CAP2: variants seen among roughly 807,000 people sequenced by gnomAD.
CAP2 encodes the protein adenylyl cyclase-associated protein 2.
In CAP2, 24 loss-of-function variants were observed where a neutral mutation model predicts 57.7. That is an observed-to-expected ratio of 0.42 (90% CI 0.30 to 0.58). The LOEUF is 0.58. Among genes scored for constraint, CAP2 ranks in the 20% least tolerant of loss-of-function variants. The pLI is 0.22. For missense variants in CAP2, 501 were observed against 590.3 expected (o/e 0.85, Z 1.57); for synonymous variants, 194 against 207.2 (o/e 0.94, Z 0.55).
At chr6:17,435,780 A>G (rs1479757783) in intron 3 of CAP2, among the ~76,000 whole-genome samples, 1 of 150,044 alleles carries the variant, frequency 6.7e-6, no homozygotes, top group East Asian at 1.9e-4. Flanking sequence ...CAGTCCATCT[A>G]GAGCTTCTTC....
At position 17,531,146 on chromosome 6, in the gene CAP2, C is replaced by G. The variant is rs557968722; in HGVS notation, c.637-8123C>G. 4.7e-5 allele frequency: 36 copies of G among 763,568 alleles called. No individual in the cohort carries two copies. In the African/African-American group the frequency reaches 5.2e-4, roughly 11 times the overall value. The allele number at this position is 763,568 out of a possible 1,614,324, so 47.3% of individuals were successfully genotyped here. A position where few individuals can be genotyped will look rare whatever the true frequency, so the allele number is the denominator to read the frequency against. On this transcript the variant is annotated intron_variant, in intron 7 of 12. Coordinates refer to ENST00000229922, the MANE Select transcript of CAP2 (RefSeq NM_006366.3). Reference sequence around the variant, plus strand: ...AAGCCTCATCTGTCAAAGCAATTCGCTTCTTACTGATTTTGCCATAACCAC... The same window carrying G: ...AAGCCTCATCTGTCAAAGCAATTCGGTTCTTACTGATTTTGCCATAACCAC...
Position 17,454,995 on chromosome 6 carries a change from T to G in CAP2, c.223-8001T>G, listed in dbSNP as rs995085277. On this transcript the variant is annotated intron_variant, in intron 3 of 12. Coordinates refer to ENST00000229922, the MANE Select transcript of CAP2 (RefSeq NM_006366.3). ...GTATGAGTGCATGGTTTTGTTACAG[T>G]AGGTTGTTAGTCAGACATGAGCAGG... Among the ~76,000 whole-genome samples the G allele has an allele frequency of 3.4e-4, 51 of 152,088 alleles. 1 individual carries two copies. The highest frequency in any genetic ancestry group is 2.9e-5 in the Non-Finnish European group (2 of 68,012).
intron 7 of CAP2, chr6:17,536,108 C>A: frequency 4.6e-6 from 2 of 431,976 alleles, no homozygotes; most frequent in Non-Finnish European, 4.7e-6. Context: ...CAGGTGTGAG[C>A]CTCCGCGCCC....
intron 7 of CAP2, among the ~76,000 whole-genome samples, chr6:17,538,767 G>A (rs1762831202): frequency 1.3e-5 from 2 of 152,220 alleles, no homozygotes; most frequent in South Asian, 4.1e-4. Flanking sequence ...ATCAGGTCCA[G>A]AGAGTTTCTG....
intron 4 of CAP2, among the ~76,000 whole-genome samples, chr6:17,506,817 T>G (rs77095651): frequency 0.017 from 2,548 of 152,316 alleles, 23 homozygotes; most frequent in Middle Eastern, 0.031. Flanking sequence ...TATTGCAGTG[T>G]GTGATCTATT....
In CAP2 at chr6:17,507,311, T is replaced by A; in HGVS notation, c.443T>A (p.Val148Glu). 6.2e-7 allele frequency: 1 copy of A among 1,614,126 alleles called. No individual in the cohort carries two copies. The change falls in exon 5 of 13, where the codon GTG becomes GAG. Residue 148 changes from valine to glutamate, a missense_variant and splice_region_variant. Physicochemically the swap from Val to Glu is moderately radical, Grantham distance 121. Coordinates refer to ENST00000229922, the MANE Select transcript of CAP2 (RefSeq NM_006366.3). ...ESIPALGWIA[V>E]SPKPGPYVKE... ...ATCCCTGCCCTTGGATGGATAGCTG[T>A]GGTGAGTCCAGGTGCAATGTTGCCT...
intron 3 of CAP2, among the ~76,000 whole-genome samples, chr6:17,462,017 A>AAAAAAAAAAAAAAAAAAAC (rs1760742551): frequency 7.0e-6 from 1 of 143,700 alleles, no homozygotes; most frequent in African/African-American, 2.7e-5. Context: ...AAAAAAAAAA[A>AAAAAAAAAAAAAAAAAAAC]AAAAAATTAA....
intron 3 of CAP2, among the ~76,000 whole-genome samples, chr6:17,458,258 A>G (rs1760629134): frequency 6.6e-6 from 1 of 152,230 alleles, no homozygotes; most frequent in Admixed American, 6.5e-5. Context: ...TGAGCAGTAT[A>G]TCCCAGCAAT....
intron 3 of CAP2, among the ~76,000 whole-genome samples, chr6:17,462,280 GACA>G (rs1357954034): frequency 6.6e-6 from 1 of 152,024 alleles, no homozygotes; most frequent in Non-Finnish European, 1.5e-5. Context: ...TGGCTTAAGG[GACA>G]ATTCTCTTTC....
At chr6:17,451,602 C>T (rs994374924) in intron 3 of CAP2, among the ~76,000 whole-genome samples, 1 of 152,036 alleles carries the variant, frequency 6.6e-6, no homozygotes, top group Non-Finnish European at 1.5e-5. Flanking sequence ...TTCCGCCTCC[C>T]GGGTTCAAGC....
intron 3 of CAP2, among the ~76,000 whole-genome samples, chr6:17,454,530 C>A (rs533074963): frequency 1.1e-4 from 16 of 152,340 alleles, no homozygotes; most frequent in African/African-American, 2.9e-4. Flanking sequence ...TCCTTTCACT[C>A]TTCTTTTGTA....
At chr6:17,548,581 T>A (rs1167355564) in intron 11 of CAP2, among the ~76,000 whole-genome samples, 1 of 151,840 alleles carries the variant, frequency 6.6e-6, no homozygotes, top group African/African-American at 2.4e-5. Context: ...TTAATGTGAG[T>A]TTAATGAAAT....
At chr6:17,462,142 T>C (rs757729838) in intron 3 of CAP2, among the ~76,000 whole-genome samples, 1 of 151,706 alleles carries the variant, frequency 6.6e-6, no homozygotes, top group Non-Finnish European at 1.5e-5. Context: ...TGCTTACACG[T>C]CTCCTTGTGG....
At chr6:17,529,651 A>AAAAAAAAATAT (rs10656588) in intron 7 of CAP2, among the ~76,000 whole-genome samples, 5,570 of 133,792 alleles carry the variant, frequency 0.042, 207 homozygotes, top group Admixed American at 0.072. Context: ...AAAAAAAAAA[A>AAAAAAAAATAT]ATATATATAT....
intron 11 of CAP2, 141 bp from the exon 12 acceptor site, chr6:17,551,323 A>G: frequency 1.6e-6 from 1 of 607,996 alleles, no homozygotes; most frequent in South Asian, 2.6e-5. Context: ...CCATTAACTC[A>G]CCTCCCCAGC....
chr6:17,509,162 T>TA (rs1246815828), intron 6 of CAP2, among the ~76,000 whole-genome samples: 1 of 152,124 alleles, frequency 6.6e-6, no homozygotes, highest in Non-Finnish European at 1.5e-5. Context: ...AAAAATTGCA[T>TA]AAAATACATA....
At chr6:17,505,314 G>A (rs1441137684) in intron 4 of CAP2, among the ~76,000 whole-genome samples, 1 of 152,214 alleles carries the variant, frequency 6.6e-6, no homozygotes, top group Admixed American at 6.5e-5. Flanking sequence ...GAGAGGTAAA[G>A]TCTAAAAGCT....
intron 3 of CAP2, among the ~76,000 whole-genome samples, chr6:17,445,239 T>C (rs746908464): frequency 1.1e-4 from 16 of 152,328 alleles, no homozygotes; most frequent in Non-Finnish European, 2.1e-4. Context: ...CCTAAGTAGC[T>C]GAGATTACAG....
At chr6:17,531,059 G>T in intron 7 of CAP2, 1 of 791,612 alleles carries the variant, frequency 1.3e-6, no homozygotes. Context: ...CAATGGTATA[G>T]ATCTCATGAA....
Sources: allele counts gnomAD v4.1 joint callset (sites outside exome capture counted in the v4.1 genomes callset), GRCh38; gene constraint gnomAD v4.1.1; transcripts MANE v1.5; gene names NCBI Gene and HGNC (gene_info 2026-07-23, HGNC 2026-07-21).